Variants in LRP2 observed in about 807,000 individuals in gnomAD.
LRP2 encodes LDL receptor related protein 2.
LRP2 carries 172 observed loss-of-function variants against 531.0 expected under a neutral mutation model. The observed-to-expected ratio is 0.32, with a 90% CI of 0.29 to 0.37. LRP2 has a LOEUF of 0.37. Among genes scored for constraint, LRP2 ranks in the 10% least tolerant of loss-of-function variants. The pLI, the probability that LRP2 is intolerant of heterozygous loss-of-function variation, is 1.00. For missense variants in LRP2, 5,167 were observed against 5,868.3 expected, an observed-to-expected ratio of 0.88 and a Z score of 3.90; for synonymous variants, 1,992 against 2,027.6, an observed-to-expected ratio of 0.98 and a Z score of 0.47.
At chr2:169,283,562 C>T (rs970556146) in intron 9 of LRP2, among the ~76,000 whole-genome samples, 1 of 152,152 alleles carries the variant, frequency 6.6e-6, no homozygotes, top group African/African-American at 2.4e-5. Context: ...TAAAGTAAGA[C>T]CTGCCTATAG....
intron 3 of LRP2, among the ~76,000 whole-genome samples, chr2:169,317,957 G>T (rs915355013): frequency 6.6e-6 from 1 of 152,066 alleles, no homozygotes; most frequent in Non-Finnish European, 1.5e-5. Flanking sequence ...CACACCTATA[G>T]TCCCAGCTAC....
At chr2:169,267,419 G>C (rs1469244825) in intron 16 of LRP2, among the ~76,000 whole-genome samples, 1 of 151,984 alleles carries the variant, frequency 6.6e-6, no homozygotes, top group Non-Finnish European at 1.5e-5. Context: ...CAGACCACAA[G>C]GCAATCAAAT....
chr2:169,137,581 A>C, intron 75 of LRP2, 88 bp from the exon 76 acceptor site: 1 of 871,238 alleles, frequency 1.1e-6, no homozygotes, highest in South Asian at 1.3e-5. Context: ...ACACACAAAG[A>C]AAGGTGCCTT....
intron 15 of LRP2, among the ~76,000 whole-genome samples, chr2:169,272,470 C>T (rs1464974419): frequency 1.3e-5 from 2 of 152,022 alleles, no homozygotes; most frequent in East Asian, 3.9e-4. Flanking sequence ...GATGTGATTA[C>T]CTGGTTGAAA....
chr2:169,218,187 G>A (rs1461252077), intron 34 of LRP2, among the ~76,000 whole-genome samples: 1 of 152,062 alleles, frequency 6.6e-6, no homozygotes, highest in Non-Finnish European at 1.5e-5. Flanking sequence ...CTCCTCCTAT[G>A]TCCTCTGACA....
intron 49 of LRP2, among the ~76,000 whole-genome samples, chr2:169,186,823 G>C (rs1160568136): frequency 2.0e-5 from 3 of 152,142 alleles, no homozygotes; most frequent in African/African-American, 7.2e-5. Context: ...ATTTTAATTT[G>C]AATTATGTAC....
At chr2:169,271,726 C>T (rs962990373) in intron 15 of LRP2, 12 of 982,558 alleles carry the variant, frequency 1.2e-5, no homozygotes, top group East Asian at 1.1e-4. Flanking sequence ...ATAGTAATTC[C>T]GTAACAATCC....
chr2:169,198,960 G>A (rs1688096791), intron 44 of LRP2, 49 bp from the exon 45 acceptor site: 1 of 1,586,702 alleles, frequency 6.3e-7, no homozygotes, highest in South Asian at 1.1e-5. Flanking sequence ...CACCAAATAT[G>A]TATTATGAAC....
intron 2 of LRP2, among the ~76,000 whole-genome samples, chr2:169,319,868 T>C (rs1448101664): frequency 6.6e-6 from 1 of 152,244 alleles, no homozygotes; most frequent in Non-Finnish European, 1.5e-5. Context: ...AACCCCATCC[T>C]TACCCTTCCT....
chr2:169,330,409 C>A (rs955305973), intron 1 of LRP2, among the ~76,000 whole-genome samples: 1 of 152,016 alleles, frequency 6.6e-6, no homozygotes, highest in Non-Finnish European at 1.5e-5. Context: ...TTAAACTGAG[C>A]CATTTATAAC....
intron 16 of LRP2, 54 bp from the exon 17 acceptor site, chr2:169,259,271 A>C (rs1690439706): frequency 7.3e-7 from 1 of 1,375,232 alleles, no homozygotes; most frequent in Non-Finnish European, 1.0e-6. Context: ...GTAAGGCATC[A>C]ATTTTCCTAC....
intron 14 of LRP2, among the ~76,000 whole-genome samples, chr2:169,274,525 C>T (rs1333113608): frequency 1.3e-5 from 2 of 152,092 alleles, no homozygotes; most frequent in African/African-American, 2.4e-5. Context: ...GCCAGAGAGA[C>T]ACCAAACCCA....
At position 169,128,829 on chromosome 2, in the gene LRP2, A is replaced by C. The variant is rs1408310632; in HGVS notation, c.13802T>G (p.Met4601Arg). Residue 4601 changes from methionine (M) to arginine (R), a missense_variant and splice_region_variant, in exon 79 of 79, where the codon ATG becomes AGG. Coordinates refer to ENST00000649046, the MANE Select transcript of LRP2 (RefSeq NM_004525.3). ...AACACTTTCCTTTTGCTCGTTCTCC[A>C]TCTAAGAATACAATGTAACAGGAAT... ...TNFENPIYAQ[M>R]ENEQKESVAA... is the part of the protein sequence containing the mutation. 2 of 1,613,976 alleles carry C rather than the reference A, an allele frequency of 1.2e-6. No individual in the cohort carries two copies. The highest frequency in any genetic ancestry group is 1.7e-6 in the Non-Finnish European group (2 of 1,179,988).
chr2:169,243,318 G>A (rs1160802389), intron 23 of LRP2, 85 bp downstream of exon 23: 8 of 1,520,280 alleles, frequency 5.3e-6, no homozygotes, highest in African/African-American at 1.4e-5. Flanking sequence ...CCCGGTGTGT[G>A]ATGTTCCCCT....
At chr2:169,360,736 T>G (rs1435982923) in intron 1 of LRP2, among the ~76,000 whole-genome samples, 1 of 152,246 alleles carries the variant, frequency 6.6e-6, no homozygotes, top group Non-Finnish European at 1.5e-5. Context: ...AGGAAGGTTA[T>G]TAATGATCTC....
chr2:169,309,946 G>T (rs1023869605), intron 3 of LRP2, among the ~76,000 whole-genome samples: 1 of 152,088 alleles, frequency 6.6e-6, no homozygotes, highest in Non-Finnish European at 1.5e-5. Flanking sequence ...CACATCCCTT[G>T]TAAGTTGGAT....
In LRP2 at chr2:169,240,014, C is replaced by T. The variant is rs539904241; in HGVS notation, c.4046-239G>A. On this transcript the variant is annotated intron_variant, in intron 25 of 78. Coordinates refer to ENST00000649046, the MANE Select transcript of LRP2 (RefSeq NM_004525.3). ...AGTATGATCACCTTCTTCACTACAACCCAATAGTATAACTCCATTTAATGC... is the reference window on the plus strand; with the variant it reads ...AGTATGATCACCTTCTTCACTACAATCCAATAGTATAACTCCATTTAATGC... Among the ~76,000 whole-genome samples the T allele has an allele frequency of 1.3e-4, 20 of 152,254 alleles. No homozygotes were observed. The South Asian group carries it at 3.9e-3, about 30-fold the overall frequency.
chr2:169,279,732 T>C, intron 11 of LRP2, 137 bp from the exon 12 acceptor site: 1 of 633,462 alleles, frequency 1.6e-6, no homozygotes, highest in Non-Finnish European at 2.8e-6. Context: ...ATGCAAGTTA[T>C]CATTTAAATA....
chr2:169,345,406 TG>T lies in LRP2; in HGVS notation c.79+16914del, dbSNP rs1685669967. Among the ~76,000 whole-genome samples, 3 of 152,108 alleles carry T rather than the reference TG, an allele frequency of 2.0e-5. No homozygotes were observed. In the South Asian group the frequency reaches 6.2e-4, roughly 31 times the overall value. On this transcript the variant is annotated intron_variant, in intron 1 of 78. Transcript: ENST00000649046. ...TACTTCAAAAATGAGCAAGGAACAC[TG>T]CGTAAATAAAAATGAACAAATAAAA...
Sources: gnomAD v4.1 joint callset for allele counts (sites outside exome capture counted in the v4.1 genomes callset) on GRCh38, gnomAD v4.1.1 for gene constraint, MANE v1.5 for transcripts, NCBI Gene and HGNC (gene_info 2026-07-23, HGNC 2026-07-21) for gene names.